The following ANK3 variants were observed in gnomAD, a reference collection of about 807,000 sequenced individuals.
The protein encoded by ANK3 is ankyrin 3, also known as ankyrin-3.
In ANK3, 57 loss-of-function variants were observed where a neutral mutation model predicts 370.9. That is an observed-to-expected ratio of 0.15 (90% CI 0.12 to 0.19). The LOEUF is 0.19. Ranked by LOEUF, ANK3 falls within the 10% of genes least tolerant of loss-of-function variation. The pLI is 1.00. For missense variants in ANK3, 4,439 were observed against 5,302.1 expected (o/e 0.84, Z 5.06); for synonymous variants, 1,929 against 1,946.3 (o/e 0.99, Z 0.23).
intron 25 of ANK3, among the ~76,000 whole-genome samples, chr10:60,119,526 G>A (rs2093334925): frequency 6.6e-6 from 1 of 152,190 alleles, no homozygotes; most frequent in Non-Finnish European, 1.5e-5. Context: ...CAACACTTTG[G>A]GAGGCTGAGG....
intron 1 of ANK3, among the ~76,000 whole-genome samples, chr10:60,662,735 C>T (rs2078950505): frequency 6.6e-6 from 1 of 152,122 alleles, no homozygotes; most frequent in East Asian, 1.9e-4. Context: ...AGGACAGGAG[C>T]CTGTTTTCTT....
At chr10:60,222,998 C>T (rs2097087593) in intron 8 of ANK3, among the ~76,000 whole-genome samples, 1 of 152,134 alleles carries the variant, frequency 6.6e-6, no homozygotes, top group Admixed American at 6.5e-5. Flanking sequence ...ATGAATATTT[C>T]CAGTGACAAA....
intron 38 of ANK3, among the ~76,000 whole-genome samples, chr10:60,065,775 T>C (rs1258356160): frequency 1.3e-5 from 2 of 152,192 alleles, no homozygotes; most frequent in Non-Finnish European, 2.9e-5. Context: ...TCATTTTCTT[T>C]TATATAATAT....
chr10:60,174,860 C>T (rs2095883591), intron 18 of ANK3, among the ~76,000 whole-genome samples: 1 of 152,094 alleles, frequency 6.6e-6, no homozygotes, highest in South Asian at 2.1e-4. Flanking sequence ...GCTGTGACTA[C>T]AGGCATGCAC....
intron 2 of ANK3, among the ~76,000 whole-genome samples, chr10:60,531,499 T>A (rs555240712): frequency 3.3e-5 from 5 of 152,106 alleles, no homozygotes; most frequent in African/African-American, 1.2e-4. Flanking sequence ...ATTTACTCTA[T>A]GTCTGTTTAT....
intron 2 of ANK3, among the ~76,000 whole-genome samples, chr10:60,541,187 T>G (rs1170840704): frequency 1.3e-4 from 19 of 151,964 alleles, no homozygotes; most frequent in Non-Finnish European, 1.5e-5. Context: ...CGTGCACATT[T>G]ACATATGTAA....
chr10:60,424,264 A>C (rs1934757), intron 2 of ANK3, among the ~76,000 whole-genome samples: 1,596 of 152,142 alleles, frequency 0.01, 29 homozygotes, highest in African/African-American at 0.037. Flanking sequence ...AGTGTGATAA[A>C]TCATACCATC....
Position 60,462,419 on chromosome 10 carries a change from G to A in ANK3, c.96+152767C>T, listed in dbSNP as rs139003980. ...ATGCTAAGATCTGTTCCTTGAAAAT[G>A]TTTACTGCTATATACGTGTTTATAT... On this transcript the variant is annotated intron_variant, in intron 2 of 43. Transcript: ENST00000373827. Among the ~76,000 whole-genome samples the A allele has an allele frequency of 7.2e-3, 1,102 of 152,124 alleles. 17 individuals are homozygous for A. The highest frequency in any genetic ancestry group is 0.026 in the African/African-American group (1,061 of 41,510).
At chr10:60,321,277 A>G (rs1320927492) in intron 1 of ANK3, among the ~76,000 whole-genome samples, 3 of 152,044 alleles carry the variant, frequency 2.0e-5, no homozygotes, top group East Asian at 3.9e-4. Flanking sequence ...GGTCCCAGCT[A>G]CTCAAGAGGC....
At chr10:60,475,010 A>G (rs904083236) in intron 2 of ANK3, among the ~76,000 whole-genome samples, 2 of 152,114 alleles carry the variant, frequency 1.3e-5, no homozygotes, top group African/African-American at 2.4e-5. Flanking sequence ...GTTAACCCCA[A>G]ACCTTTAGTC....
intron 1 of ANK3, among the ~76,000 whole-genome samples, chr10:60,643,754 T>C (rs7918897): frequency 0.68 from 103,142 of 151,902 alleles, 35,127 homozygotes; most frequent in South Asian, 0.83. Context: ...GGAACATGAC[T>C]CAAGCAGAGC....
rs7097187 is a variant in ANK3, at chr10:60,693,412, C to T, written c.57+39851G>A. Among the ~76,000 whole-genome samples the T allele has an allele frequency of 4.7e-3, 717 of 152,354 alleles. 3 individuals are homozygous for T. The highest frequency in any genetic ancestry group is 0.016 in the African/African-American group (683 of 41,588). The stretch of plus-strand genomic sequence containing the variant: ...TGGAGCCCACCACAGCTCAAGGAGG[C>T]CTGCCTGCCTCTGTAGGCTCCACCT... On this transcript the variant is annotated intron_variant, in intron 1 of 43. Coordinates refer to the ANK3 transcript ENST00000373827.
chr10:60,372,171 GA>G (rs1314777437), intron 1 of ANK3, among the ~76,000 whole-genome samples: 1 of 152,118 alleles, frequency 6.6e-6, no homozygotes, highest in African/African-American at 2.4e-5. Context: ...TAAAGAGGAA[GA>G]AAAAAATTTA....
intron 2 of ANK3, among the ~76,000 whole-genome samples, chr10:60,498,707 T>C (rs563911277): frequency 3.9e-5 from 6 of 152,352 alleles, no homozygotes; most frequent in Non-Finnish European, 8.8e-5. Flanking sequence ...ATATTTTTAA[T>C]GCACACACTA....
At chr10:60,107,651 C>T (rs1284840204) in intron 27 of ANK3, among the ~76,000 whole-genome samples, 1 of 152,184 alleles carries the variant, frequency 6.6e-6, no homozygotes, top group Non-Finnish European at 1.5e-5. Context: ...ATCTTATTTT[C>T]CCAACACTTT....
chr10:60,055,748 A>G lies in ANK3; in HGVS notation c.12975T>C (p.Ser4325=), dbSNP rs2079051474. 6.2e-7 allele frequency: 1 copy of G among 1,614,128 alleles called. No individual in the cohort carries two copies. The highest frequency in any genetic ancestry group is 8.5e-7 in the Non-Finnish European group (1 of 1,180,000). ...IEETKPCVPV[S]MKKMSRTSPA... ...GAGAAGTCCTACTCATCTTTTTCAT[A>G]CTGACAGGCACACAGGGTTTAGTCT... Residue 4325 remains serine (S), a synonymous_variant, in exon 42 of 44, where the codon AGT becomes AGC. Transcript: ENST00000280772.
intron 1 of ANK3, among the ~76,000 whole-genome samples, chr10:60,282,968 C>T (rs895034984): frequency 5.9e-5 from 9 of 152,138 alleles, no homozygotes; most frequent in East Asian, 1.9e-4. Flanking sequence ...TCTTAGCCAC[C>T]GGCAAACAAA....
At position 60,138,954 on chromosome 10, in the gene ANK3, A is replaced by C; in HGVS notation, c.2738+10T>G. On this transcript the variant is annotated intron_variant, in intron 24 of 43. Transcript: ENST00000280772. ...TAAATTAACTATGAAAGACAGCAAC[A>C]ACGAAGTACCTGGCAGAACGCGCTC... 1.2e-6 allele frequency: 2 copies of C among 1,612,378 alleles called. No individual in the cohort carries two copies. Among genetic ancestry groups the C allele is most frequent in the African/African-American group, 2.7e-5 (2 of 74,890 alleles).
At chr10:60,619,360 T>C (rs534564540) in intron 1 of ANK3, among the ~76,000 whole-genome samples, 82 of 152,286 alleles carry the variant, frequency 5.4e-4, no homozygotes, top group African/African-American at 1.9e-3. Context: ...GATCTCATTC[T>C]GCCAAGCAGG....
Sources: allele counts gnomAD v4.1 joint callset (sites outside exome capture counted in the v4.1 genomes callset), GRCh38; gene constraint gnomAD v4.1.1; transcripts MANE v1.5; gene names NCBI Gene and HGNC (gene_info 2026-07-23, HGNC 2026-07-21).